SI: variants seen among roughly 807,000 people sequenced by gnomAD.
The protein encoded by SI is sucrase-isomaltase, intestinal.
Under a neutral mutation model 253.3 loss-of-function variants are expected in SI, and 235 were observed. The ratio of observed to expected loss-of-function variants is 0.93; its 90% CI spans 0.83 to 1.03. The LOEUF (loss-of-function observed/expected upper bound fraction) is 1.03, where lower values mean the gene tolerates loss of function less well. Among genes scored for constraint, SI ranks in the 50% least tolerant of loss-of-function variants. SI has a pLI of 0.00. For missense variants in SI, 2,442 were observed against 2,211.1 expected (o/e 1.10, Z -2.09); for synonymous variants, 819 against 712.0 (o/e 1.15, Z -2.39).
chr3:165,072,962 T>C (rs1410581566), intron 3 of SI, among the ~76,000 whole-genome samples: 1 of 152,162 alleles, frequency 6.6e-6, no homozygotes, highest in Non-Finnish European at 1.5e-5. Context: ...AGCATAAATA[T>C]ATTGGCTGAA....
intron 25 of SI, among the ~76,000 whole-genome samples, chr3:165,029,351 C>G (rs1646584438): frequency 6.6e-6 from 1 of 150,658 alleles, no homozygotes; most frequent in South Asian, 2.1e-4. Flanking sequence ...ACTAGTACAA[C>G]CACTATGGAC....
chr3:165,076,634 T>C (rs1714994844), intron 1 of SI, among the ~76,000 whole-genome samples: 1 of 151,642 alleles, frequency 6.6e-6, no homozygotes, highest in Admixed American at 6.6e-5. Flanking sequence ...TCTTTTGAAT[T>C]TTCACCAAGT....
chr3:165,063,779 A>G (rs1714092117), intron 7 of SI, among the ~76,000 whole-genome samples: 1 of 150,206 alleles, frequency 6.7e-6, no homozygotes. Context: ...TAATACTATT[A>G]ATATATTACT....
intron 7 of SI, among the ~76,000 whole-genome samples, chr3:165,064,710 GAGA>G (rs1271128089): frequency 3.3e-5 from 5 of 152,034 alleles, no homozygotes; most frequent in Non-Finnish European, 7.4e-5. Flanking sequence ...GAGAGTTTGG[GAGA>G]AGTTCTTATG....
chr3:165,089,575 G>T, the SI span, among the ~76,000 whole-genome samples: 1 of 152,034 alleles, frequency 6.6e-6, no homozygotes, highest in South Asian at 2.1e-4. Flanking sequence ...TGAGGTTAGC[G>T]ATCTGCTCTT....
At chr3:164,987,405 A>G (rs1163395240) in intron 44 of SI, among the ~76,000 whole-genome samples, 179 bp from the exon 45 acceptor site, 1 of 152,160 alleles carries the variant, frequency 6.6e-6, no homozygotes, top group African/African-American at 2.4e-5. Flanking sequence ...GAATGATATA[A>G]AACAATAAAA....
At position 165,069,102 on chromosome 3, in the gene SI, G is replaced by C. The variant is rs1193757503; in HGVS notation, c.349C>G (p.Gln117Glu). 1 of 1,611,028 alleles carries C rather than the reference G, an allele frequency of 6.2e-7. No individual in the cohort carries two copies. Among genetic ancestry groups the C allele is most frequent in the Non-Finnish European group, 8.5e-7 (1 of 1,177,546 alleles). Reference sequence around the variant, plus strand: ...CCAATACTTGTTGTTGTCATGTCTTGAACGTTATAACCATGATTATCAACG... The same window carrying C: ...CCAATACTTGTTGTTGTCATGTCTTCAACGTTATAACCATGATTATCAACG... ...FFVDNHGYNV[Q>E]DMTTTSIGVE... The change falls in exon 4 of 48, where the codon CAA becomes GAA. Residue 117 changes from glutamine to glutamate, a missense_variant. Transcript: ENST00000264382.
At chr3:165,069,276 AT>A in intron 3 of SI, 81 bp from the exon 4 acceptor site, 1 of 965,564 alleles carries the variant, frequency 1.0e-6, no homozygotes, top group Admixed American at 1.8e-5. Context: ...AGGAATGAAT[AT>A]TTTAAAATAA....
intron 40 of SI, 85 bp downstream of exon 40, chr3:164,996,450 C>A: frequency 3.6e-6 from 3 of 838,736 alleles, no homozygotes; most frequent in Non-Finnish European, 6.2e-6. Context: ...ATAAATATAC[C>A]AGCTAACCAA....
upstream of SI, among the ~76,000 whole-genome samples, chr3:165,080,296 C>G (rs1715261881): frequency 3.3e-5 from 5 of 151,846 alleles, no homozygotes; most frequent in South Asian, 1.0e-3. Context: ...TCCAGCTTTC[C>G]ACATCTTTGA....
Position 165,009,295 on chromosome 3 carries a change from A to C in SI, c.4163T>G (p.Phe1388Cys). The change falls in exon 35 of 48, where the codon TTT (phenylalanine) becomes TGT (cysteine). Residue 1388 changes from phenylalanine (F) to cysteine (C), a missense_variant. Coordinates refer to ENST00000264382, the MANE Select transcript of SI (RefSeq NM_001041.4). ...IVDFYNEKMK[F>C]DGLWIDMNEP... ...CTTACTTACAATCCACAAACCATCA[A>C]ACTTCATCTTTTCATTGTAAAAGTC... 6.2e-7 allele frequency: 1 copy of C among 1,606,638 alleles called. No homozygotes were observed. Among genetic ancestry groups the C allele is most frequent in the Non-Finnish European group, 8.5e-7 (1 of 1,173,350 alleles).
upstream of SI, among the ~76,000 whole-genome samples, chr3:165,078,970 T>C (rs1439347766): frequency 6.6e-6 from 1 of 151,462 alleles, no homozygotes; most frequent in Non-Finnish European, 1.5e-5. Context: ...ATCTTAAGGT[T>C]GAAAAAGTGA....
At chr3:165,041,520 A>G (rs180764475) in intron 17 of SI, among the ~76,000 whole-genome samples, 8 of 152,120 alleles carry the variant, frequency 5.3e-5, no homozygotes, top group African/African-American at 1.9e-4. Context: ...GGATGTTATT[A>G]TATGTGACAC....
chr3:164,993,845 T>A (rs1359521054), intron 41 of SI, among the ~76,000 whole-genome samples: 3 of 151,598 alleles, frequency 2.0e-5, no homozygotes, highest in Non-Finnish European at 4.4e-5. Flanking sequence ...AAGGAAAAGG[T>A]GGAATGGTCT....
chr3:164,998,764 GA>G (rs1481979524), intron 37 of SI, 91 bp from the exon 38 acceptor site: 1 of 1,055,614 alleles, frequency 9.5e-7, no homozygotes, highest in African/African-American at 1.6e-5. Context: ...AAAAAATAGT[GA>G]TTTGTGGTGC....
chr3:165,046,401 GT>G (rs892262681), intron 16 of SI, among the ~76,000 whole-genome samples: 8 of 27,436 alleles, frequency 2.9e-4, no homozygotes, highest in African/African-American at 7.3e-4. Flanking sequence ...AATTTTAAAC[GT>G]TTTTTTCTGT....
chr3:165,030,508 C>G (rs934464512), intron 25 of SI, among the ~76,000 whole-genome samples: 1 of 150,792 alleles, frequency 6.6e-6, no homozygotes, highest in Non-Finnish European at 1.5e-5. Context: ...ATCAATTCAG[C>G]CTGGCGTTTA....
chr3:165,059,567 C>G (rs1576915850), intron 10 of SI, among the ~76,000 whole-genome samples: 1 of 151,638 alleles, frequency 6.6e-6, no homozygotes, highest in East Asian at 1.9e-4. Flanking sequence ...TTTCAACATA[C>G]AAAAATCAAA....
At chr3:164,983,236 A>C (rs148787130) in intron 45 of SI, among the ~76,000 whole-genome samples, 185 bp from the exon 46 acceptor site, 1 of 152,292 alleles carries the variant, frequency 6.6e-6, no homozygotes, top group African/African-American at 2.4e-5. Context: ...GAAATGAAGG[A>C]TGAGTCACCA....
Sources: allele counts gnomAD v4.1 joint callset (sites outside exome capture counted in the v4.1 genomes callset), GRCh38; gene constraint gnomAD v4.1.1; transcripts MANE v1.5; gene names NCBI Gene and HGNC (gene_info 2026-07-23, HGNC 2026-07-21).